Variants in PHACTR1 observed in about 807,000 individuals in gnomAD.
The protein encoded by PHACTR1 is RPEL repeat containing 1.
PHACTR1 carries 16 observed loss-of-function variants against 69.2 expected under a neutral mutation model. That is an observed-to-expected ratio of 0.23 (90% CI 0.16 to 0.35). The LOEUF (loss-of-function observed/expected upper bound fraction) is 0.35, where lower values mean the gene tolerates loss of function less well. Among genes scored for constraint, PHACTR1 ranks in the 10% least tolerant of loss-of-function variants. The pLI is 1.00. For synonymous variants in PHACTR1, 312 were observed against 284.5 expected (o/e 1.10, Z -0.97); for missense variants, 510 against 734.7 (o/e 0.69, Z 3.54).
At chr6:13,212,574 G>C (rs1409112688) in intron 8 of PHACTR1, among the ~76,000 whole-genome samples, 6 of 152,094 alleles carry the variant, frequency 3.9e-5, no homozygotes, top group Non-Finnish European at 8.8e-5. Context: ...ATCTGCTATG[G>C]TTTGAGCGTC....
At chr6:12,767,735 C>T (rs1230412679) in intron 4 of PHACTR1, among the ~76,000 whole-genome samples, 2 of 152,086 alleles carry the variant, frequency 1.3e-5, no homozygotes, top group Non-Finnish European at 2.9e-5. Flanking sequence ...AGGACATTTT[C>T]GGGCATTCTG....
intron 10 of PHACTR1, among the ~76,000 whole-genome samples, chr6:13,255,785 C>T (rs1775104713): frequency 6.6e-6 from 1 of 152,230 alleles, no homozygotes; most frequent in Admixed American, 6.5e-5. Flanking sequence ...CCAGTGCTGC[C>T]TCTGTGGCTT....
At chr6:13,064,646 T>C (rs1808338882) in intron 5 of PHACTR1, among the ~76,000 whole-genome samples, 1 of 116,256 alleles carries the variant, frequency 8.6e-6, no homozygotes, top group Non-Finnish European at 1.7e-5. Context: ...CTATGGAGGA[T>C]TCACCACCAG....
At chr6:12,861,279 C>T (rs184060901) in intron 4 of PHACTR1, among the ~76,000 whole-genome samples, 21 of 152,316 alleles carry the variant, frequency 1.4e-4, no homozygotes, top group Middle Eastern at 3.4e-3. Flanking sequence ...AGTCACCCAA[C>T]GCTACTATTC....
At chr6:13,158,270 G>A (rs1332386596) in intron 5 of PHACTR1, among the ~76,000 whole-genome samples, 1 of 152,070 alleles carries the variant, frequency 6.6e-6, no homozygotes, top group Non-Finnish European at 1.5e-5. Flanking sequence ...CCCAAGCTCT[G>A]AATAGAACAT....
chr6:13,284,633 T>C (rs1254249283), intron 13 of PHACTR1, among the ~76,000 whole-genome samples: 1 of 144,972 alleles, frequency 6.9e-6, no homozygotes, highest in South Asian at 2.2e-4. Flanking sequence ...TAGGTAACGA[T>C]AGAAACTATG....
intron 10 of PHACTR1, among the ~76,000 whole-genome samples, chr6:13,263,401 A>T (rs1275432839): frequency 1.6e-4 from 24 of 151,696 alleles, no homozygotes. Context: ...GAAGGCTCAC[A>T]TACAGCACTT....
chr6:12,812,949 T>G (rs546024970), intron 4 of PHACTR1, among the ~76,000 whole-genome samples: 2 of 152,318 alleles, frequency 1.3e-5, no homozygotes, highest in Admixed American at 1.3e-4. Context: ...GGGAGTACCT[T>G]GAATATGCAT....
chr6:12,857,601 TAA>T (rs11382310), intron 4 of PHACTR1, among the ~76,000 whole-genome samples: 2 of 146,506 alleles, frequency 1.4e-5, no homozygotes, highest in Non-Finnish European at 3.0e-5. Flanking sequence ...GACTCCATCT[TAA>T]AAAAAAAAAA....
intron 4 of PHACTR1, among the ~76,000 whole-genome samples, chr6:13,020,294 G>C (rs901171198): frequency 6.6e-6 from 1 of 152,196 alleles, no homozygotes; most frequent in African/African-American, 2.4e-5. Flanking sequence ...TGTTTTTAGT[G>C]TTGTATTATT....
intron 9 of PHACTR1, 135 bp downstream of exon 9, chr6:13,228,198 C>A: frequency 1.8e-6 from 2 of 1,138,742 alleles, no homozygotes; most frequent in Non-Finnish European, 2.4e-6. Flanking sequence ...GGTCGTAGGG[C>A]AGCTTAGTCT....
At chr6:12,872,815 C>T (rs1782177672) in intron 4 of PHACTR1, among the ~76,000 whole-genome samples, 2 of 152,140 alleles carry the variant, frequency 1.3e-5, no homozygotes, top group African/African-American at 4.8e-5. Flanking sequence ...TGCCATCAAC[C>T]CCTGGCACTC....
chr6:13,174,715 A>ATT (rs1471061786), intron 6 of PHACTR1, among the ~76,000 whole-genome samples: 1 of 133,572 alleles, frequency 7.5e-6, no homozygotes, highest in Non-Finnish European at 1.6e-5. Flanking sequence ...AATCACATAC[A>ATT]TTCTCTCTCT....
intron 4 of PHACTR1, among the ~76,000 whole-genome samples, chr6:12,915,921 G>C (rs1219116487): frequency 6.6e-6 from 1 of 152,062 alleles, no homozygotes; most frequent in African/African-American, 2.4e-5. Flanking sequence ...ATGACTACTA[G>C]GTAGCTTCCT....
chr6:13,285,778 C>T (rs1409911201), intron 13 of PHACTR1, among the ~76,000 whole-genome samples: 1 of 152,138 alleles, frequency 6.6e-6, no homozygotes, highest in Non-Finnish European at 1.5e-5. Flanking sequence ...CATCACTGTG[C>T]CTGTGCTGAG....
intron 4 of PHACTR1, among the ~76,000 whole-genome samples, chr6:12,954,035 A>G (rs539455896): frequency 6.6e-6 from 1 of 152,324 alleles, no homozygotes; most frequent in African/African-American, 2.4e-5. Context: ...TTTTGACTAC[A>G]AGATTAGGAA....
intron 4 of PHACTR1, among the ~76,000 whole-genome samples, chr6:12,939,634 T>C (rs1789851615): frequency 6.6e-6 from 1 of 152,160 alleles, no homozygotes; most frequent in Non-Finnish European, 1.5e-5. Context: ...CACTCTTCTT[T>C]ATTGATGTGG....
At chr6:12,918,204 C>G (rs1429237816) in intron 4 of PHACTR1, among the ~76,000 whole-genome samples, 3 of 152,176 alleles carry the variant, frequency 2.0e-5, no homozygotes, top group Admixed American at 2.0e-4. Flanking sequence ...ACAGGACTTG[C>G]CTTAGGTTGA....
intron 5 of PHACTR1, among the ~76,000 whole-genome samples, chr6:13,109,384 A>C (rs1816666189): frequency 6.6e-6 from 1 of 151,840 alleles, no homozygotes; most frequent in South Asian, 2.1e-4. Flanking sequence ...ATTTTACCTT[A>C]ATTTTGTGGG....
Sources: allele counts gnomAD v4.1 joint callset (sites outside exome capture counted in the v4.1 genomes callset), GRCh38; gene constraint gnomAD v4.1.1; transcripts MANE v1.5; gene names NCBI Gene and HGNC (gene_info 2026-07-23, HGNC 2026-07-21).